The following TAF4B variants were observed in gnomAD, a reference collection of about 807,000 sequenced individuals.
TAF4B encodes the protein transcription initiation factor TFIID subunit 4B.
Under a neutral mutation model 86.4 loss-of-function variants are expected in TAF4B, and 38 were observed. The ratio of observed to expected loss-of-function variants is 0.44; its 90% CI spans 0.34 to 0.58. The LOEUF (loss-of-function observed/expected upper bound fraction) is 0.58. TAF4B is among the 20% of genes least tolerant of loss of function. The probability of loss-of-function intolerance (pLI) is 0.02; values close to 1 mark genes in which losing one functional copy is unlikely to be tolerated. For synonymous variants in TAF4B, 388 were observed against 391.2 expected (o/e 0.99, Z 0.10); for missense variants, 988 against 1,027.6 (o/e 0.96, Z 0.53).
At chr18:26,347,131 A>G (rs2057205862) in intron 13 of TAF4B, among the ~76,000 whole-genome samples, 2 of 151,226 alleles carry the variant, frequency 1.3e-5, no homozygotes, top group Non-Finnish European at 2.9e-5. Context: ...CATGTTAGCC[A>G]GGATGGTCTG....
At chr18:26,282,407 G>A (rs767721829) in intron 6 of TAF4B, among the ~76,000 whole-genome samples, 11 of 152,028 alleles carry the variant, frequency 7.2e-5, no homozygotes, top group Non-Finnish European at 1.6e-4. Flanking sequence ...GAAATTTTTG[G>A]TTTCCAAATG....
At chr18:26,236,999 C>G (rs908963615) in intron 1 of TAF4B, among the ~76,000 whole-genome samples, 2 of 152,144 alleles carry the variant, frequency 1.3e-5, no homozygotes, top group Non-Finnish European at 2.9e-5. Flanking sequence ...CTTCCTTTCC[C>G]TGAGTTATGG....
chr18:26,357,942 T>A (rs2057301074), intron 14 of TAF4B, 148 bp downstream of exon 14: 1 of 522,804 alleles, frequency 1.9e-6, no homozygotes, highest in Non-Finnish European at 3.3e-6. Context: ...TATAAAATCT[T>A]AATTTTTGCC....
rs2144611432 is a variant in TAF4B, at chr18:26,292,243, C to T, written c.1591-3C>T. On this transcript the variant is annotated splice_region_variant and splice_polypyrimidine_tract_variant and intron_variant, in intron 7 of 14. Coordinates refer to ENST00000269142, the MANE Select transcript of TAF4B (RefSeq NM_005640.3). ...ACTATATTGATAGTTCTCATTGTTT[C>T]AGGTAGTTCAGCAGCCTTCAGGAGG... 1 of 1,613,042 alleles carries T rather than the reference C, an allele frequency of 6.2e-7. No individual in the cohort carries two copies. Among genetic ancestry groups the T allele is most frequent in the Non-Finnish European group, 8.5e-7 (1 of 1,179,644 alleles).
intron 13 of TAF4B, among the ~76,000 whole-genome samples, chr18:26,339,688 ATCTT>A (rs1238799597): frequency 3.9e-5 from 6 of 152,228 alleles, no homozygotes; most frequent in Non-Finnish European, 7.3e-5. Flanking sequence ...AAGCAGGCAT[ATCTT>A]TATTTAATGC....
intron 6 of TAF4B, 127 bp from the exon 7 acceptor site, chr18:26,285,755 G>C: frequency 8.7e-7 from 1 of 1,147,502 alleles, no homozygotes; most frequent in Non-Finnish European, 1.2e-6. Context: ...GATACAAGCT[G>C]TCTTCAACTG....
rs186991502 is a variant in TAF4B, at chr18:26,389,014, G to T, written c.2422-831G>T. On this transcript the variant is annotated intron_variant, in intron 14 of 14. Coordinates refer to ENST00000269142, the MANE Select transcript of TAF4B (RefSeq NM_005640.3). ...TTTAGTAGAGACGGGGTTTCACCAT[G>T]TTGGCCAGGCTGGTCTCAAACTCCT... is the stretch of plus-strand genomic sequence containing the variant. Among the ~76,000 whole-genome samples the T allele has an allele frequency of 4.1e-3, 629 of 152,148 alleles. 2 individuals carry two copies. Among genetic ancestry groups the T allele is most frequent in the African/African-American group, 0.015 (606 of 41,500 alleles).
intron 13 of TAF4B, among the ~76,000 whole-genome samples, chr18:26,346,998 G>A (rs1374179607): frequency 1.4e-5 from 2 of 144,784 alleles, no homozygotes; most frequent in Non-Finnish European, 3.0e-5. Context: ...TCGGCTCACT[G>A]CAACCTCCGC....
intron 14 of TAF4B, among the ~76,000 whole-genome samples, chr18:26,378,258 C>G (rs1420630575): frequency 1.3e-5 from 2 of 152,092 alleles, no homozygotes; most frequent in East Asian, 3.9e-4. Context: ...AATAATATCC[C>G]CATTGAGAAA....
intron 1 of TAF4B, among the ~76,000 whole-genome samples, chr18:26,244,711 C>G (rs370985525): frequency 1.3e-5 from 2 of 152,038 alleles, no homozygotes; most frequent in African/African-American, 4.8e-5. Context: ...AACCTCCCCC[C>G]GAAATTTATA....
rs1432607761 is a variant in TAF4B, at chr18:26,391,625, CT to C, written c.*1614del. 1 of 152,112 alleles carries C rather than the reference CT, an allele frequency of 6.6e-6. No homozygotes were observed. The highest frequency in any genetic ancestry group is 1.5e-5 in the Non-Finnish European group (1 of 68,026). 9.4% of individuals were successfully genotyped at this position (152,112 alleles called of 1,614,324 possible). ...GCATACTCATTTGTGTATAATCTTA[CT>C]GATCAGATGTTTAAAATTATTCCAA... On this transcript the variant is annotated 3_prime_UTR_variant, in exon 15 of 15. Coordinates refer to ENST00000269142, the MANE Select transcript of TAF4B (RefSeq NM_005640.3).
At chr18:26,330,633 A>G (rs1598804704) in intron 12 of TAF4B, among the ~76,000 whole-genome samples, 1 of 152,164 alleles carries the variant, frequency 6.6e-6, no homozygotes, top group African/African-American at 2.4e-5. Context: ...ACGTTTATAT[A>G]TATACACACA....
intron 13 of TAF4B, among the ~76,000 whole-genome samples, chr18:26,351,703 A>G (rs973056900): frequency 2.1e-4 from 32 of 152,276 alleles, no homozygotes; most frequent in African/African-American, 6.0e-4. Context: ...AATAAATAAG[A>G]TATTAAAGGA....
intron 14 of TAF4B, among the ~76,000 whole-genome samples, chr18:26,359,200 A>G (rs1361826094): frequency 6.6e-6 from 1 of 152,120 alleles, no homozygotes; most frequent in Non-Finnish European, 1.5e-5. Flanking sequence ...TTACTTCCAT[A>G]CTTTTTAAGG....
rs375114189 is a variant in TAF4B at position 26,294,417 on chromosome 18, A to G, written c.1832+886A>G. Among the ~76,000 whole-genome samples the G allele has an allele frequency of 5.9e-4, 89 of 151,896 alleles. No individual in the cohort carries two copies. The East Asian group carries it at 0.015, about 26-fold the overall frequency. On this transcript the variant is annotated intron_variant, in intron 9 of 14. Coordinates refer to ENST00000269142, the MANE Select transcript of TAF4B (RefSeq NM_005640.3). Reference sequence around the variant, plus strand: ...ATTTTTGTGCTTATTTGTTATTTATATATCTTTGGTGAAGTGTGTGTTCAA... The same window carrying G: ...ATTTTTGTGCTTATTTGTTATTTATGTATCTTTGGTGAAGTGTGTGTTCAA...
At chr18:26,246,500 T>C (rs2055926052) in intron 1 of TAF4B, among the ~76,000 whole-genome samples, 1 of 152,068 alleles carries the variant, frequency 6.6e-6, no homozygotes, top group Non-Finnish European at 1.5e-5. Context: ...ACTTGATAGC[T>C]TTGTAATCTA....
intron 1 of TAF4B, among the ~76,000 whole-genome samples, chr18:26,228,055 A>G (rs2055605698): frequency 6.6e-6 from 1 of 152,210 alleles, no homozygotes; most frequent in African/African-American, 2.4e-5. Context: ...TGTCAACGCT[A>G]CTGTTAATGA....
At chr18:26,297,206 C>T (rs1360642613) in intron 9 of TAF4B, among the ~76,000 whole-genome samples, 2 of 150,654 alleles carry the variant, frequency 1.3e-5, no homozygotes, top group Non-Finnish European at 2.9e-5. Flanking sequence ...AATTGCAGTT[C>T]AAAGCATACA....
chr18:26,337,597 A>G (rs1019973273), intron 13 of TAF4B, among the ~76,000 whole-genome samples: 2 of 151,416 alleles, frequency 1.3e-5, no homozygotes, highest in Non-Finnish European at 2.9e-5. Flanking sequence ...TAATTTTTGT[A>G]TTTTTAGTAG....
Sources: gnomAD v4.1 joint callset for allele counts (sites outside exome capture counted in the v4.1 genomes callset) on GRCh38, gnomAD v4.1.1 for gene constraint, MANE v1.5 for transcripts, NCBI Gene and HGNC (gene_info 2026-07-23, HGNC 2026-07-21) for gene names.